The following IKZF2 variants were observed in gnomAD, a reference collection of about 807,000 sequenced individuals.
IKZF2 encodes the protein zinc finger protein Helios.
Under a neutral mutation model 49.2 loss-of-function variants are expected in IKZF2, and 15 were observed. The observed-to-expected ratio is 0.30, with a 90% CI of 0.20 to 0.47. The LOEUF (loss-of-function observed/expected upper bound fraction) is 0.47. Among genes scored for constraint, IKZF2 ranks in the 20% least tolerant of loss-of-function variants. The pLI is 1.00. For synonymous variants in IKZF2, 227 were observed against 221.4 expected, an observed-to-expected ratio of 1.03 and a Z score of -0.23; for missense variants, 567 against 664.6, an observed-to-expected ratio of 0.85 and a Z score of 1.61.
At chr2:213,142,299 T>TG (rs1270231617) in intron 4 of IKZF2, among the ~76,000 whole-genome samples, 10 of 152,030 alleles carry the variant, frequency 6.6e-5, no homozygotes, top group Non-Finnish European at 1.3e-4. Flanking sequence ...ATGCTTTAAA[T>TG]AACGGAGGGT....
At chr2:213,022,724 G>A (rs1006652565) in intron 6 of IKZF2, among the ~76,000 whole-genome samples, 1 of 152,078 alleles carries the variant, frequency 6.6e-6, no homozygotes, top group Non-Finnish European at 1.5e-5. Flanking sequence ...TGGCAGGTAA[G>A]TATATTCTCC....
At chr2:213,040,733 T>C (rs1335580259) in intron 6 of IKZF2, among the ~76,000 whole-genome samples, 1 of 152,112 alleles carries the variant, frequency 6.6e-6, no homozygotes, top group African/African-American at 2.4e-5. Flanking sequence ...TTTATAAGAA[T>C]GAAAGAACTA....
Position 213,005,197 on chromosome 2 carries a change from G to A in IKZF2, c.*2163C>T, listed in dbSNP as rs1278613092. On this transcript the variant is annotated 3_prime_UTR_variant, in exon 9 of 9. Transcript: ENST00000434687. ...TTATTTGGGAGTGGTTGGGTGGGGG[G>A]GGGTGAGCGAGTCTCAAAAACATGC... 1 of 127,496 alleles carries A rather than the reference G, an allele frequency of 7.8e-6. No homozygotes were observed. Among genetic ancestry groups the A allele is most frequent in the Non-Finnish European group, 1.7e-5 (1 of 59,246 alleles). The allele number at this position is 127,496 out of a possible 1,614,324, so 7.9% of individuals were successfully genotyped here. A position where few individuals can be genotyped will look rare whatever the true frequency, so the allele number is the denominator to read the frequency against.
At chr2:213,137,898 C>A (rs1471625129) in intron 4 of IKZF2, among the ~76,000 whole-genome samples, 1 of 152,020 alleles carries the variant, frequency 6.6e-6, no homozygotes, top group Non-Finnish European at 1.5e-5. Flanking sequence ...AAGATCAAGT[C>A]CTGCATGTTG....
intron 4 of IKZF2, among the ~76,000 whole-genome samples, chr2:213,076,920 A>C (rs1468472288): frequency 2.0e-5 from 3 of 152,334 alleles, no homozygotes; most frequent in East Asian, 3.9e-4. Flanking sequence ...ATAAATAAAT[A>C]AAAGAAATAA....
In IKZF2 at chr2:213,147,749, G is replaced by A; in HGVS notation, c.98C>T (p.Thr33Ile). 3 of 1,614,018 alleles carry A rather than the reference G, an allele frequency of 1.9e-6. No individual in the cohort carries two copies. Among genetic ancestry groups the A allele is most frequent in the Non-Finnish European group, 2.5e-6 (3 of 1,179,878 alleles). Residue 33 changes from threonine (T) to isoleucine (I), a missense_variant, in exon 4 of 9, where the codon ACA becomes ATA. Thr to Ile is a moderately conservative substitution (Grantham distance 89). Coordinates refer to ENST00000434687, the MANE Select transcript of IKZF2 (RefSeq NM_001387220.1). The stretch of plus-strand genomic sequence containing the variant: ...TGGTGAGGCATGCTGTCCATTGGGT[G>A]TGCTTGAGGTGAGGTCAATTGCCAT... ...SNMAIDLTSSTPNGQHASPSH... is the reference protein window; with the variant it reads ...SNMAIDLTSSIPNGQHASPSH...
chr2:213,018,102 T>C (rs1696810958), intron 7 of IKZF2, among the ~76,000 whole-genome samples: 1 of 152,192 alleles, frequency 6.6e-6, no homozygotes, highest in Non-Finnish European at 1.5e-5. Context: ...TGCTTTGCAC[T>C]TTCATTTTTG....
chr2:213,029,603 A>C lies in IKZF2; in HGVS notation c.575-7473T>G, dbSNP rs938020533. ...TCTCATATAATCAGTCTTCGATTTC[A>C]CTTACTAATGGTATGCCCAACAAGG... On this transcript the variant is annotated intron_variant, in intron 6 of 8. Transcript: ENST00000434687. 8.5e-5 allele frequency among the ~76,000 whole-genome samples: 13 copies of C among 152,136 alleles called. No homozygotes were observed. In the East Asian group the frequency reaches 1.9e-3, roughly 23 times the overall value.
intron 6 of IKZF2, among the ~76,000 whole-genome samples, chr2:213,031,917 A>T (rs1389686204): frequency 6.6e-6 from 1 of 152,186 alleles, no homozygotes; most frequent in Non-Finnish European, 1.5e-5. Flanking sequence ...TATATTCAAA[A>T]ACCATTTAAC....
At chr2:213,109,000 AATGT>A (rs796621069) in intron 4 of IKZF2, among the ~76,000 whole-genome samples, 2 of 151,906 alleles carry the variant, frequency 1.3e-5, no homozygotes, top group African/African-American at 4.8e-5. Context: ...TAATCTTTTT[AATGT>A]ATGTATTTCA....
chr2:213,146,369 G>A (rs1227419054), intron 4 of IKZF2, among the ~76,000 whole-genome samples: 2 of 151,938 alleles, frequency 1.3e-5, no homozygotes, highest in Non-Finnish European at 2.9e-5. Context: ...ACATTCACCT[G>A]CTAACTTTAC....
chr2:213,129,766 A>G (rs901738153), intron 4 of IKZF2, among the ~76,000 whole-genome samples: 7 of 152,330 alleles, frequency 4.6e-5, no homozygotes, highest in African/African-American at 1.7e-4. Context: ...GCAATATTTT[A>G]GGCTTAAGGT....
chr2:213,080,839 G>GAA (rs369770048), intron 4 of IKZF2, among the ~76,000 whole-genome samples: 1 of 150,484 alleles, frequency 6.6e-6, no homozygotes, highest in Admixed American at 6.6e-5. Context: ...CATATGGAAG[G>GAA]AAAAAAAAAG....
At chr2:213,106,445 C>A (rs1001474228) in intron 4 of IKZF2, among the ~76,000 whole-genome samples, 2 of 151,722 alleles carry the variant, frequency 1.3e-5, no homozygotes, top group Non-Finnish European at 2.9e-5. Context: ...TTGAGACCAG[C>A]CTGTGAGACA....
intron 4 of IKZF2, among the ~76,000 whole-genome samples, chr2:213,098,644 A>G (rs1706288798): frequency 6.6e-6 from 1 of 152,204 alleles, no homozygotes; most frequent in South Asian, 2.1e-4. Flanking sequence ...AATCTTTTCT[A>G]TACAAAAATG....
chr2:213,052,785 T>A (rs1246442107), intron 5 of IKZF2, among the ~76,000 whole-genome samples: 2 of 152,136 alleles, frequency 1.3e-5, no homozygotes, highest in African/African-American at 4.8e-5. Flanking sequence ...AAGTTATTTC[T>A]ATAAAACATT....
chr2:213,056,763 G>T, intron 5 of IKZF2, 70 bp downstream of exon 5: 1 of 1,571,816 alleles, frequency 6.4e-7, no homozygotes, highest in Non-Finnish European at 8.7e-7. Flanking sequence ...AAAGGAAAGA[G>T]AATAGATGTC....
At chr2:213,036,126 T>C (rs760327791) in intron 6 of IKZF2, among the ~76,000 whole-genome samples, 2 of 152,208 alleles carry the variant, frequency 1.3e-5, no homozygotes, top group Non-Finnish European at 2.9e-5. Flanking sequence ...GATTTTTGTT[T>C]ATAAGAGCAT....
chr2:213,151,282 C>G (rs997580835), intron 1 of IKZF2, 131 bp downstream of exon 1: 1 of 152,042 alleles, frequency 6.6e-6, no homozygotes, highest in Non-Finnish European at 1.5e-5. Flanking sequence ...AAACGAGATG[C>G]TATATAATTA....
Sources: allele counts gnomAD v4.1 joint callset (sites outside exome capture counted in the v4.1 genomes callset), GRCh38; gene constraint gnomAD v4.1.1; transcripts MANE v1.5; gene names NCBI Gene and HGNC (gene_info 2026-07-23, HGNC 2026-07-21).